DYNLL2: variants seen among roughly 807,000 people sequenced by gnomAD.
DYNLL2 encodes dynein light chain LC8-type 2, also known as dynein light chain 2, cytoplasmic.
A neutral mutation model predicts 9.7 loss-of-function variants in DYNLL2; 1 was observed. The ratio of observed to expected loss-of-function variants is 0.10; its 90% CI spans 0.04 to 0.49. The LOEUF (loss-of-function observed/expected upper bound fraction) is 0.49, where lower values mean the gene tolerates loss of function less well. Ranked by LOEUF, DYNLL2 falls within the 20% of genes least tolerant of loss-of-function variation. The probability of loss-of-function intolerance (pLI) is 0.95; values close to 1 mark genes in which losing one functional copy is unlikely to be tolerated. For missense variants in DYNLL2, 37 were observed against 115.2 expected (o/e 0.32, Z 3.11); for synonymous variants, 35 against 40.5 (o/e 0.86, Z 0.52).
At position 58,094,947 on chromosome 17, in the gene DYNLL2, C is replaced by G. The variant is rs1453845985; in HGVS notation, c.*5668C>G. On this transcript the variant is annotated 3_prime_UTR_variant, in exon 3 of 3. Transcript: ENST00000579991. ...ATTTATCAGTACTTTGTTCCTTTTT[C>G]TAGCTGAGTAACGTGTGGGTATATC... 6.6e-6 allele frequency: 1 copy of G among 152,164 alleles called. No homozygotes were observed. Among genetic ancestry groups the G allele is most frequent in the African/African-American group, 2.4e-5 (1 of 41,430 alleles). 9.4% of individuals were successfully genotyped at this position (152,164 alleles called of 1,614,324 possible).
Position 58,092,430 on chromosome 17 carries a change from A to G in DYNLL2, c.*3151A>G, listed in dbSNP as rs974722796. The G allele has an allele frequency of 6.6e-6, 1 of 152,256 alleles. No homozygotes were observed. Among genetic ancestry groups the G allele is most frequent in the African/African-American group, 2.4e-5 (1 of 41,450 alleles). The allele number at this position is 152,256 out of a possible 1,614,324, so 9.4% of individuals were successfully genotyped here. ...AATCCTGCAGGGCTTCCTGGAGGAG[A>G]TGAGCCTCCACTTTTCGGGGCCCAG... On this transcript the variant is annotated 3_prime_UTR_variant, in exon 3 of 3. Coordinates refer to ENST00000579991, the MANE Select transcript of DYNLL2 (RefSeq NM_080677.3).
intron 1 of DYNLL2, 113 bp downstream of exon 1, chr17:58,083,796 A>G (rs2075745914): frequency 6.6e-6 from 1 of 151,712 alleles, no homozygotes; most frequent in African/African-American, 2.4e-5. Context: ...GCCGGCCCCA[A>G]GGCCTGGAAC....
chr17:58,084,329 TGGC>T (rs2075749933), intron 1 of DYNLL2, among the ~76,000 whole-genome samples: 1 of 151,810 alleles, frequency 6.6e-6, no homozygotes, highest in Admixed American at 6.6e-5. Context: ...GTGTGTGTAT[TGGC>T]GGGTGGGGAT....
chr17:58,084,249 C>T (rs576498306), intron 1 of DYNLL2, among the ~76,000 whole-genome samples: 16 of 152,204 alleles, frequency 1.1e-4, no homozygotes, highest in Admixed American at 2.0e-4. Context: ...TTCGGGACCG[C>T]AGCGCTCTGG....
At position 58,091,578 on chromosome 17, in the gene DYNLL2, T is replaced by G. The variant is rs950311260; in HGVS notation, c.*2299T>G. ...TGCTGCTTCAACTTTTGCCCAAAGC[T>G]CTTATCTTTCATACTCCTCCCTTCT... On this transcript the variant is annotated 3_prime_UTR_variant, in exon 3 of 3. Coordinates refer to ENST00000579991, the MANE Select transcript of DYNLL2 (RefSeq NM_080677.3). The G allele has an allele frequency of 6.6e-6, 1 of 152,176 alleles. No homozygotes were observed. The highest frequency in any genetic ancestry group is 6.5e-5 in the Admixed American group (1 of 15,270). 9.4% of individuals were successfully genotyped at this position (152,176 alleles called of 1,614,324 possible). A position where few individuals can be genotyped will look rare whatever the true frequency, so the allele number is the denominator to read the frequency against.
At position 58,093,270 on chromosome 17, in the gene DYNLL2, A is replaced by G. The variant is rs1275637797; in HGVS notation, c.*3991A>G. The stretch of plus-strand genomic sequence containing the variant: ...GCTGCCCAAGCCTTGCCACCTTGAA[A>G]GGCGTGAGAGGGTCACTCCCAGGTG... On this transcript the variant is annotated 3_prime_UTR_variant, in exon 3 of 3. Transcript: ENST00000579991. 1 of 152,216 alleles carries G rather than the reference A, an allele frequency of 6.6e-6. No individual in the cohort carries two copies. Among genetic ancestry groups the G allele is most frequent in the African/African-American group, 2.4e-5 (1 of 41,450 alleles). 9.4% of individuals were successfully genotyped at this position (152,216 alleles called of 1,614,324 possible). A position where few individuals can be genotyped will look rare whatever the true frequency, so the allele number is the denominator to read the frequency against.
intron 1 of DYNLL2, among the ~76,000 whole-genome samples, chr17:58,083,917 C>G (rs1479856241): frequency 1.3e-5 from 2 of 151,672 alleles, no homozygotes; most frequent in Non-Finnish European, 2.9e-5. Flanking sequence ...CCCGGCCACC[C>G]TCGTGGCGCT....
Position 58,088,962 on chromosome 17 carries a change from G to A in DYNLL2, c.133-180G>A, listed in dbSNP as rs9941389. On this transcript the variant is annotated intron_variant, in intron 2 of 2. Transcript: ENST00000579991. ...TTCCATTATTAATGAGGGGAAGAGT[G>A]TCCTGGCCAGCTTTAAAACCTGAGC... Among the ~76,000 whole-genome samples the A allele has an allele frequency of 9.2e-4, 140 of 152,114 alleles. 2 individuals are homozygous for A. Among genetic ancestry groups the A allele is most frequent in the African/African-American group, 3.3e-3 (137 of 41,490 alleles).
At chr17:58,087,297 G>A (rs1465057079) in intron 2 of DYNLL2, 75 bp downstream of exon 2, 2 of 1,584,382 alleles carry the variant, frequency 1.3e-6, no homozygotes, top group African/African-American at 2.7e-5. Context: ...GAGATCTGGA[G>A]CTGGGGACAT....
In DYNLL2 at chr17:58,089,362, C is replaced by A; in HGVS notation, c.*83C>A. The A allele has an allele frequency of 6.5e-7, 1 of 1,532,754 alleles. No homozygotes were observed. Among genetic ancestry groups the A allele is most frequent in the South Asian group, 1.2e-5 (1 of 83,488 alleles). 94.9% of individuals were successfully genotyped at this position (1,532,754 alleles called of 1,614,324 possible). On this transcript the variant is annotated 3_prime_UTR_variant, in exon 3 of 3. Coordinates refer to ENST00000579991, the MANE Select transcript of DYNLL2 (RefSeq NM_080677.3). ...TGGGACTGTTTTGCACTGGAGCCAGCATCAGGATGTCCTCTCCAATGGCTG... is the reference window on the plus strand; with the variant it reads ...TGGGACTGTTTTGCACTGGAGCCAGAATCAGGATGTCCTCTCCAATGGCTG...
intron 1 of DYNLL2, among the ~76,000 whole-genome samples, chr17:58,085,829 G>A (rs1056260598): frequency 2.0e-5 from 3 of 152,152 alleles, no homozygotes; most frequent in Admixed American, 2.0e-4. Flanking sequence ...GGGGAAGGAA[G>A]GCTTCAGCAT....
rs140627712 is a variant in DYNLL2, at chr17:58,090,360, T to C, written c.*1081T>C. The C allele has an allele frequency of 1.7e-3, 266 of 154,618 alleles. No individual in the cohort carries two copies. Among genetic ancestry groups the C allele is most frequent in the African/African-American group, 5.5e-3 (227 of 41,620 alleles). 9.6% of individuals were successfully genotyped at this position (154,618 alleles called of 1,614,324 possible). A position where few individuals can be genotyped will look rare whatever the true frequency, so the allele number is the denominator to read the frequency against. ...ACAGTTAGTTCTAAGTGGGCTTTTA[T>C]GCTAAAAGCCTCTGGGGATATCTGT... On this transcript the variant is annotated 3_prime_UTR_variant, in exon 3 of 3. Coordinates refer to ENST00000579991, the MANE Select transcript of DYNLL2 (RefSeq NM_080677.3).
chr17:58,088,740 C>T (rs769154959), intron 2 of DYNLL2, among the ~76,000 whole-genome samples: 7 of 152,082 alleles, frequency 4.6e-5, no homozygotes, highest in South Asian at 2.1e-4. Context: ...TGTGAGGCAG[C>T]GGGTGGTGGC....
chr17:58,088,218 A>G (rs1462268019), intron 2 of DYNLL2, among the ~76,000 whole-genome samples: 1 of 152,198 alleles, frequency 6.6e-6, no homozygotes, highest in Non-Finnish European at 1.5e-5. Flanking sequence ...TGATGGAGAA[A>G]TGAGAACCAG....
chr17:58,089,323 G>A lies in DYNLL2; in HGVS notation c.*44G>A, dbSNP rs1431247611. 5 of 1,605,210 alleles carry A rather than the reference G, an allele frequency of 3.1e-6. No homozygotes were observed. The highest frequency in any genetic ancestry group is 4.3e-6 in the Non-Finnish European group (5 of 1,174,934). ...TCAGTGGCGGCGGCAGCGATGGCAA[G>A]CAGGCGGCGTTGCTGGGACTGTTTT... On this transcript the variant is annotated 3_prime_UTR_variant, in exon 3 of 3. Coordinates refer to ENST00000579991, the MANE Select transcript of DYNLL2 (RefSeq NM_080677.3).
At chr17:58,086,216 C>T (rs1171955002) in intron 1 of DYNLL2, among the ~76,000 whole-genome samples, 2 of 152,188 alleles carry the variant, frequency 1.3e-5, no homozygotes, top group Non-Finnish European at 2.9e-5. Context: ...CATTGGTGGC[C>T]TGGAATAGGG....
At chr17:58,088,578 T>C (rs528082213) in intron 2 of DYNLL2, among the ~76,000 whole-genome samples, 4 of 152,294 alleles carry the variant, frequency 2.6e-5, no homozygotes, top group African/African-American at 9.6e-5. Flanking sequence ...TGGAGGTCCT[T>C]GTTCTGGTAC....
At chr17:58,088,291 A>C (rs991129089) in intron 2 of DYNLL2, among the ~76,000 whole-genome samples, 1 of 152,084 alleles carries the variant, frequency 6.6e-6, no homozygotes, top group Non-Finnish European at 1.5e-5. Flanking sequence ...TGGGTTTAGT[A>C]TTTACTCCTA....
chr17:58,085,806 C>A (rs546108685), intron 1 of DYNLL2, among the ~76,000 whole-genome samples: 1 of 152,256 alleles, frequency 6.6e-6, no homozygotes, highest in African/African-American at 2.4e-5. Flanking sequence ...TTTCCCAAGC[C>A]TCTGTTTTTT....
Sources: allele counts gnomAD v4.1 joint callset (sites outside exome capture counted in the v4.1 genomes callset), GRCh38; gene constraint gnomAD v4.1.1; transcripts MANE v1.5; gene names NCBI Gene and HGNC (gene_info 2026-07-23, HGNC 2026-07-21).